The following ST14 variants were observed in gnomAD, a reference collection of about 807,000 sequenced individuals.
ST14 encodes ST14 transmembrane serine protease matriptase.
ST14 carries 40 observed loss-of-function variants against 96.5 expected under a neutral mutation model. That is an observed-to-expected ratio of 0.41 (90% CI 0.32 to 0.54). The LOEUF (loss-of-function observed/expected upper bound fraction) is 0.54. Among genes scored for constraint, ST14 ranks in the 20% least tolerant of loss-of-function variants. The probability of loss-of-function intolerance (pLI) is 0.17; values close to 1 mark genes in which losing one functional copy is unlikely to be tolerated. For missense variants in ST14, 1,066 were observed against 1,188.9 expected, an observed-to-expected ratio of 0.90 and a Z score of 1.52; for synonymous variants, 506 against 492.1, an observed-to-expected ratio of 1.03 and a Z score of -0.37.
chr11:130,174,801 G>A (rs1404277772), intron 1 of ST14, among the ~76,000 whole-genome samples: 1 of 152,120 alleles, frequency 6.6e-6, no homozygotes, highest in African/African-American at 2.4e-5. Flanking sequence ...ACTGCCAAAG[G>A]CTCTGCCCAC....
rs956148289 is a variant in ST14 at position 130,165,803 on chromosome 11, G to T, written c.81+5743G>T. ...GGGAAAGAATGCCCAGTTCACAGACGAGAATACTGAGGCTCAAAGGGTTTG... is the reference window on the plus strand; with the variant it reads ...GGGAAAGAATGCCCAGTTCACAGACTAGAATACTGAGGCTCAAAGGGTTTG... On this transcript the variant is annotated intron_variant, in intron 1 of 18. Coordinates refer to ENST00000278742, the MANE Select transcript of ST14 (RefSeq NM_021978.4). Among the ~76,000 whole-genome samples, 3 of 152,336 alleles carry T rather than the reference G, an allele frequency of 2.0e-5. No individual in the cohort carries two copies. The South Asian group carries it at 6.2e-4, about 32-fold the overall frequency.
intron 11 of ST14, 193 bp downstream of exon 11, chr11:130,196,893 C>A: frequency 1.3e-6 from 1 of 773,216 alleles, no homozygotes; most frequent in Non-Finnish European, 2.1e-6. Flanking sequence ...TGGCTGTGAG[C>A]GCTGGCACAC....
chr11:130,162,106 G>C (rs1228231958), intron 1 of ST14, among the ~76,000 whole-genome samples: 3 of 152,160 alleles, frequency 2.0e-5, no homozygotes, highest in African/African-American at 7.2e-5. Context: ...TGGCCCACAG[G>C]GTGCTGTTGT....
chr11:130,177,293 G>T (rs778280313), intron 1 of ST14, among the ~76,000 whole-genome samples: 1 of 151,992 alleles, frequency 6.6e-6, no homozygotes, highest in Non-Finnish European at 1.5e-5. Context: ...GGCCGGGCGC[G>T]GTGGCTCACG....
intron 12 of ST14, 59 bp downstream of exon 12, chr11:130,198,004 C>A: frequency 6.7e-7 from 1 of 1,491,838 alleles, no homozygotes; most frequent in Non-Finnish European, 9.1e-7. Flanking sequence ...GCCCGCGTCC[C>A]ATGGCCCTGC....
chr11:130,208,559 T>C lies in ST14; in HGVS notation c.2144T>C (p.Leu715Pro). The change falls in exon 17 of 19, where the codon CTG becomes CCG. Residue 715 changes from leucine (L) to proline (P), a missense_variant. By Grantham distance (98) the Leu-to-Pro change is moderately conservative. Coordinates refer to ENST00000278742, the MANE Select transcript of ST14 (RefSeq NM_021978.4). ...ACCTTCGACTATGACATCGCGCTGC[T>C]GGAGCTGGAGAAACCGGCAGAGTAC... ...DFTFDYDIAL[L>P]ELEKPAEYSS... The C allele has an allele frequency of 6.2e-7, 1 of 1,614,238 alleles. No individual in the cohort carries two copies. The highest frequency in any genetic ancestry group is 8.5e-7 in the Non-Finnish European group (1 of 1,180,042).
At chr11:130,171,348 A>G (rs181783129) in intron 1 of ST14, among the ~76,000 whole-genome samples, 1 of 152,346 alleles carries the variant, frequency 6.6e-6, no homozygotes, top group Non-Finnish European at 1.5e-5. Flanking sequence ...TCTCTTATTG[A>G]AGGTATGGAC....
At chr11:130,198,852 T>C in intron 14 of ST14, 95 bp from the exon 15 acceptor site, 3 of 1,607,248 alleles carry the variant, frequency 1.9e-6, no homozygotes, top group Admixed American at 1.7e-5. Context: ...GAGGGGGTAA[T>C]GTGCAGGGGC....
chr11:130,195,826 C>T (rs1369865820), intron 9 of ST14, among the ~76,000 whole-genome samples: 2 of 145,414 alleles, frequency 1.4e-5, no homozygotes, highest in Non-Finnish European at 3.0e-5. Flanking sequence ...GTACTCCAGT[C>T]TGGGTGACAG....
intron 1 of ST14, among the ~76,000 whole-genome samples, chr11:130,172,637 T>C (rs1160936078): frequency 1.3e-5 from 2 of 151,768 alleles, no homozygotes; most frequent in African/African-American, 4.8e-5. Context: ...CAGGATGGTC[T>C]TGATCTCCTA....
chr11:130,170,440 A>G (rs755659231), intron 1 of ST14, among the ~76,000 whole-genome samples: 4 of 152,022 alleles, frequency 2.6e-5, no homozygotes, highest in Non-Finnish European at 4.4e-5. Context: ...GGAAGAGGAA[A>G]CCGGGGCACT....
chr11:130,187,369 C>G lies in ST14; in HGVS notation c.82-745C>G, dbSNP rs558405779. ...TGGATACCCTTGGCAGGGAGGAACC[C>G]GGGGAAGTTGCCATCCTGTCTTTTG... On this transcript the variant is annotated intron_variant, in intron 1 of 18. Coordinates refer to ENST00000278742, the MANE Select transcript of ST14 (RefSeq NM_021978.4). The surrounding 1 kb of genome is among the most constrained non-coding windows in gnomAD (Gnocchi z 4.5). Among the ~76,000 whole-genome samples, 1 of 152,262 alleles carries G rather than the reference C, an allele frequency of 6.6e-6. No homozygotes were observed. The highest frequency in any genetic ancestry group is 6.5e-5 in the Admixed American group (1 of 15,294).
At chr11:130,189,951 G>T (rs538438582) in intron 5 of ST14, 55 bp downstream of exon 5, 3 of 1,613,354 alleles carry the variant, frequency 1.9e-6, no homozygotes, top group African/African-American at 2.7e-5. Flanking sequence ...CATGGAGTGG[G>T]GCTGGGCCCT....
At chr11:130,189,269 C>T in intron 4 of ST14, 1 of 496,738 alleles carries the variant, frequency 2.0e-6, no homozygotes, top group South Asian at 2.3e-5. Flanking sequence ...TCAATGAGCC[C>T]CCACATTTTC....
chr11:130,185,869 G>A (rs992342048), intron 1 of ST14, among the ~76,000 whole-genome samples: 1 of 151,936 alleles, frequency 6.6e-6, no homozygotes. Context: ...GTTCAGTGGC[G>A]CAATCTCAGC....
At chr11:130,161,886 C>T (rs558311569) in intron 1 of ST14, among the ~76,000 whole-genome samples, 56 of 152,308 alleles carry the variant, frequency 3.7e-4, no homozygotes, top group East Asian at 3.9e-4. Context: ...AACTAAGAGA[C>T]GAATGCCAAA....
intron 16 of ST14, among the ~76,000 whole-genome samples, chr11:130,204,158 A>G (rs1444050379): frequency 1.3e-5 from 2 of 152,294 alleles, no homozygotes; most frequent in Non-Finnish European, 2.9e-5. Context: ...CCACATGTAC[A>G]CTGTGAACCT....
At chr11:130,199,469 C>G (rs763183612) in intron 15 of ST14, among the ~76,000 whole-genome samples, 5 of 152,202 alleles carry the variant, frequency 3.3e-5, no homozygotes, top group African/African-American at 1.2e-4. Context: ...GTTTCAGAAG[C>G]GTTGGCTGGC....
At position 130,189,846 on chromosome 11, in the gene ST14, C is replaced by T. The variant is rs1407596024; in HGVS notation, c.548C>T (p.Pro183Leu). 5 of 1,613,790 alleles carry T rather than the reference C, an allele frequency of 3.1e-6. No homozygotes were observed. The highest frequency in any genetic ancestry group is 3.3e-5 in the Admixed American group (2 of 60,018). ...GAGGAGCGCGTAGTCATGCTGCCCC[C>T]GCGGGCGCGCTCCCTGAAGTCCTTT... ...MAEERVVMLP[P>L]RARSLKSFVV... Residue 183 changes from proline to leucine, a missense_variant, in exon 5 of 19, where the codon CCG (proline) becomes CTG (leucine). Pro to Leu is a moderately conservative substitution (Grantham distance 98, BLOSUM62 -3). Coordinates refer to ENST00000278742, the MANE Select transcript of ST14 (RefSeq NM_021978.4).
Sources: gnomAD v4.1 joint callset for allele counts (sites outside exome capture counted in the v4.1 genomes callset) on GRCh38, gnomAD v4.1.1 for gene constraint, Gnocchi (gnomAD v3.1) non-coding constraint, MANE v1.5 for transcripts, NCBI Gene and HGNC (gene_info 2026-07-23, HGNC 2026-07-21) for gene names.